The following ADARB2 variants were observed in gnomAD, a reference collection of about 807,000 sequenced individuals.
ADARB2 encodes the protein inactive double-stranded RNA-specific editase B2.
Under a neutral mutation model 62.2 loss-of-function variants are expected in ADARB2, and 25 were observed. The observed-to-expected ratio is 0.40, with a 90% CI of 0.29 to 0.56. The LOEUF is 0.56. Ranked by LOEUF, ADARB2 falls within the 20% of genes least tolerant of loss-of-function variation. ADARB2 has a pLI of 0.43. For synonymous variants in ADARB2, 572 were observed against 500.8 expected, an observed-to-expected ratio of 1.14 and a Z score of -1.90; for missense variants, 1,071 against 1,077.4, an observed-to-expected ratio of 0.99 and a Z score of 0.08.
chr10:1,525,059 T>G (rs1832123282), intron 1 of ADARB2, among the ~76,000 whole-genome samples: 1 of 152,132 alleles, frequency 6.6e-6, no homozygotes, highest in Non-Finnish European at 1.5e-5. Context: ...AAAATAATAA[T>G]AATAACTTCA....
rs369952368 is a variant in ADARB2, at chr10:1,557,350, C to T, written c.101-178190G>A. 4.6e-5 allele frequency among the ~76,000 whole-genome samples: 7 copies of T among 152,220 alleles called. No homozygotes were observed. The East Asian group carries it at 1.2e-3, about 25-fold the overall frequency. ...GGAGTGACCTTGACCCTGGCAGCTC[C>T]AACTCTCAACCCGTCAGCCAGGCTC... On this transcript the variant is annotated intron_variant, in intron 1 of 9. Transcript: ENST00000381312.
chr10:1,661,952 G>A (rs1834254425), intron 1 of ADARB2, among the ~76,000 whole-genome samples: 1 of 152,158 alleles, frequency 6.6e-6, no homozygotes, highest in Non-Finnish European at 1.5e-5. Context: ...GGGAAATGCA[G>A]GCACTGAGGC....
intron 1 of ADARB2, among the ~76,000 whole-genome samples, chr10:1,466,927 G>A (rs543096146): frequency 7.2e-5 from 11 of 152,254 alleles, no homozygotes; most frequent in African/African-American, 2.6e-4. Context: ...GGTGGTTGGA[G>A]AGTTCTATGG....
chr10:1,263,598 T>G (rs144076686), intron 4 of ADARB2, among the ~76,000 whole-genome samples: 14 of 152,348 alleles, frequency 9.2e-5, no homozygotes, highest in Non-Finnish European at 1.6e-4. Context: ...AGTGAAGAAG[T>G]GTTTGAACAG....
In ADARB2 at chr10:1,382,482, A is replaced by C. The variant is rs148515942; in HGVS notation, c.101-3322T>G. Among the ~76,000 whole-genome samples the C allele has an allele frequency of 2.3e-3, 347 of 152,374 alleles. 1 individual carries two copies. The highest frequency in any genetic ancestry group is 3.9e-3 in the Non-Finnish European group (267 of 68,038). On this transcript the variant is annotated intron_variant, in intron 1 of 9. Transcript: ENST00000381312. ...GTTCTTAGAAAAGAGGTGAAGAATT[A>C]CATTTTTAATATAGAAAAAGTACAA... is the stretch of plus-strand genomic sequence containing the variant.
chr10:1,686,464 T>C (rs960185890), intron 1 of ADARB2, among the ~76,000 whole-genome samples: 1 of 152,138 alleles, frequency 6.6e-6, no homozygotes, highest in Non-Finnish European at 1.5e-5. Flanking sequence ...TTAATTTGTG[T>C]GAAAGTAGGG....
chr10:1,249,817 A>G (rs1831020586), intron 4 of ADARB2, among the ~76,000 whole-genome samples: 2 of 151,872 alleles, frequency 1.3e-5, no homozygotes, highest in African/African-American at 4.8e-5. Context: ...GTGTCTGGAA[A>G]CCTCCAGAGA....
chr10:1,358,110 T>C (rs1832214428), intron 3 of ADARB2, among the ~76,000 whole-genome samples: 2 of 152,234 alleles, frequency 1.3e-5, no homozygotes, highest in Admixed American at 1.3e-4. Context: ...GACTTAGCTC[T>C]GGGCATCAAA....
At chr10:1,305,567 T>G (rs1199181562) in intron 3 of ADARB2, among the ~76,000 whole-genome samples, 3 of 152,132 alleles carry the variant, frequency 2.0e-5, no homozygotes, top group African/African-American at 7.2e-5. Context: ...CCAGCATCAT[T>G]CTGATACCAA....
At chr10:1,318,738 G>A (rs1831765681) in intron 3 of ADARB2, among the ~76,000 whole-genome samples, 1 of 152,156 alleles carries the variant, frequency 6.6e-6, no homozygotes, top group Non-Finnish European at 1.5e-5. Context: ...CCTGTCAGAA[G>A]GAATATCGGG....
chr10:1,687,913 A>G (rs912424994), intron 1 of ADARB2, among the ~76,000 whole-genome samples: 1 of 152,228 alleles, frequency 6.6e-6, no homozygotes, highest in Non-Finnish European at 1.5e-5. Context: ...TGACAGTTCT[A>G]AACGGAGCAG....
chr10:1,233,323 A>G (rs369434741), intron 6 of ADARB2, among the ~76,000 whole-genome samples: 4 of 152,138 alleles, frequency 2.6e-5, no homozygotes, highest in African/African-American at 4.8e-5. Context: ...TTCCTCCCCA[A>G]CGCTGTGAGC....
intron 1 of ADARB2, among the ~76,000 whole-genome samples, chr10:1,655,793 G>A (rs1680301793): frequency 6.6e-6 from 1 of 152,200 alleles, no homozygotes; most frequent in African/African-American, 2.4e-5. Flanking sequence ...GAACAAGCGA[G>A]GTTTTGAGTA....
chr10:1,514,437 A>G (rs1831982992), intron 1 of ADARB2, among the ~76,000 whole-genome samples: 1 of 151,798 alleles, frequency 6.6e-6, no homozygotes, highest in Non-Finnish European at 1.5e-5. Flanking sequence ...CTCAGTGACC[A>G]TGTGGTACTG....
At chr10:1,685,356 A>T (rs771444455) in intron 1 of ADARB2, among the ~76,000 whole-genome samples, 1 of 152,152 alleles carries the variant, frequency 6.6e-6, no homozygotes, top group African/African-American at 2.4e-5. Context: ...AGCACCGAGC[A>T]ACACGAATGA....
Position 1,683,349 on chromosome 10 carries a change from G to T in ADARB2, c.100+53702C>A, listed in dbSNP as rs773662699. 4.6e-5 allele frequency among the ~76,000 whole-genome samples: 7 copies of T among 152,206 alleles called. No individual in the cohort carries two copies. In the South Asian group the frequency reaches 6.2e-4, roughly 13 times the overall value. On this transcript the variant is annotated intron_variant, in intron 1 of 9. Transcript: ENST00000381312. ...CATTTCGGGGAACATGACTCTAGAA[G>T]GATGAAGCGAGGTATGGAAAGAAGA...
intron 4 of ADARB2, among the ~76,000 whole-genome samples, chr10:1,270,645 A>G (rs927120354): frequency 2.0e-5 from 3 of 152,002 alleles, no homozygotes; most frequent in African/African-American, 7.3e-5. Context: ...GGTGGGTTAC[A>G]CCCCAACCAG....
chr10:1,291,535 TGC>T (rs1273722564), intron 3 of ADARB2: 2 of 152,310 alleles, frequency 1.3e-5, no homozygotes, highest in Non-Finnish European at 2.9e-5. Flanking sequence ...CTGTGTTCCC[TGC>T]ACAATCCTGC....
intron 3 of ADARB2, among the ~76,000 whole-genome samples, chr10:1,329,843 G>A (rs1429259309): frequency 6.6e-6 from 1 of 151,262 alleles, no homozygotes; most frequent in Non-Finnish European, 1.5e-5. Flanking sequence ...TGGTTATCCC[G>A]ATTTGCTGAT....
Sources: gnomAD v4.1 joint callset for allele counts (sites outside exome capture counted in the v4.1 genomes callset) on GRCh38, gnomAD v4.1.1 for gene constraint, MANE v1.5 for transcripts, NCBI Gene and HGNC (gene_info 2026-07-23, HGNC 2026-07-21) for gene names.